CYP24A1: variants seen among roughly 807,000 people sequenced by gnomAD.
The protein encoded by CYP24A1 is 1,25-dihydroxyvitamin D(3) 24-hydroxylase, mitochondrial.
A neutral mutation model predicts 62.4 loss-of-function variants in CYP24A1; 68 were observed. The ratio of observed to expected loss-of-function variants is 1.09; its 90% CI spans 0.90 to 1.33. The LOEUF (loss-of-function observed/expected upper bound fraction) is 1.33. Ranked by LOEUF, CYP24A1 falls within the 40% of genes most tolerant of loss-of-function variation. CYP24A1 has a pLI of 0.00. For missense variants in CYP24A1, 787 were observed against 653.0 expected, an observed-to-expected ratio of 1.21 and a Z score of -2.24; for synonymous variants, 267 against 253.0, an observed-to-expected ratio of 1.06 and a Z score of -0.52.
At position 54,173,587 on chromosome 20, in the gene CYP24A1, G is replaced by T. The variant is rs2092703278; in HGVS notation, c.-8C>A. The T allele has an allele frequency of 3.2e-6, 5 of 1,569,038 alleles. No individual in the cohort carries two copies. The highest frequency in any genetic ancestry group is 1.3e-5 in the African/African-American group (1 of 74,476). On this transcript the variant is annotated 5_prime_UTR_variant, in exon 1 of 12. Transcript: ENST00000216862. The surrounding 1 kb of genome is among the most constrained non-coding windows in gnomAD (Gnocchi z 7.2). ...GCTGATGGGGGAGCTCATGGCAGCG[G>T]GGGACACCGGAGCGCGGGAAGGCAG...
intron 3 of CYP24A1, 59 bp from the exon 4 acceptor site, chr20:54,169,747 T>C: frequency 6.2e-7 from 1 of 1,609,684 alleles, no homozygotes; most frequent in South Asian, 1.1e-5. Context: ...AAACAAAACT[T>C]TAAAGCTCAC....
intron 9 of CYP24A1, among the ~76,000 whole-genome samples, chr20:54,157,821 C>T (rs2092634966): frequency 6.6e-6 from 1 of 152,172 alleles, no homozygotes; most frequent in Admixed American, 6.5e-5. Flanking sequence ...GTTATTAAAC[C>T]CCTTTTACAG....
the CYP24A1 span, among the ~76,000 whole-genome samples, chr20:54,144,109 C>T: frequency 6.6e-6 from 1 of 152,214 alleles, no homozygotes; most frequent in South Asian, 2.1e-4. Flanking sequence ...TGGGTAGTCA[C>T]ATGGCGGCCC....
intron 7 of CYP24A1, among the ~76,000 whole-genome samples, chr20:54,161,285 A>G (rs1322683013): frequency 2.0e-5 from 3 of 152,210 alleles, no homozygotes; most frequent in African/African-American, 7.2e-5. Context: ...TCATTATTCC[A>G]GAGTCAGCTC....
the CYP24A1 span, among the ~76,000 whole-genome samples, chr20:54,144,116 G>A: frequency 6.6e-6 from 1 of 152,186 alleles, no homozygotes; most frequent in Non-Finnish European, 1.5e-5. Context: ...TCACATGGCG[G>A]CCCCATGCTT....
At chr20:54,158,704 C>T (rs932056232) in intron 8 of CYP24A1, among the ~76,000 whole-genome samples, 4 of 152,164 alleles carry the variant, frequency 2.6e-5, no homozygotes, top group African/African-American at 9.7e-5. Flanking sequence ...TTAGTGCTTA[C>T]AGCGTTCATT....
At chr20:54,151,957 A>G (rs6097805), downstream of CYP24A1, among the ~76,000 whole-genome samples, 50,227 of 151,992 alleles carry the variant, frequency 0.33, 9,296 homozygotes, top group East Asian at 0.59. Context: ...TAGCAAGTGC[A>G]CAGAGGAGAG....
At chr20:54,164,651 A>G in intron 5 of CYP24A1, 88 bp from the exon 6 acceptor site, 1 of 1,608,044 alleles carries the variant, frequency 6.2e-7, no homozygotes, top group African/African-American at 1.3e-5. Flanking sequence ...TCTAAACCGC[A>G]GCACCCTGCA....
In CYP24A1 at chr20:54,165,789, T is replaced by A. The variant is rs2146489987; in HGVS notation, c.685A>T (p.Lys229Ter). 2 of 1,543,848 alleles carry A rather than the reference T, an allele frequency of 1.3e-6. No individual in the cohort carries two copies. Among genetic ancestry groups the A allele is most frequent in the Non-Finnish European group, 9.0e-7 (1 of 1,115,660 alleles). Residue 229 changes from lysine to a stop codon, truncating the protein, a stop_gained, in exon 5 of 12, where the codon AAG becomes TAG. Transcript: ENST00000216862. LOFTEE classifies it high-confidence loss of function. ...TTCACAGCTTCATCCCCTGCATTCT[T>A]CTGGAGAAGCCCAAATCTCTTCTCA... ...LYEKRFGLLQ[K>*]NAGDEAVNFI...
chr20:54,172,314 G>T (rs556430960), intron 2 of CYP24A1, among the ~76,000 whole-genome samples: 2 of 152,254 alleles, frequency 1.3e-5, no homozygotes, highest in South Asian at 4.1e-4. Flanking sequence ...CAGTTTGGGG[G>T]TAAATAAAGG....
chr20:54,169,736 A>G, intron 3 of CYP24A1, 48 bp from the exon 4 acceptor site: 1 of 1,612,112 alleles, frequency 6.2e-7, no homozygotes, highest in East Asian at 2.2e-5. Flanking sequence ...CCGTTGAAGG[A>G]AAACAAAACT....
At chr20:54,144,265 C>T in the CYP24A1 span, among the ~76,000 whole-genome samples, 9 of 150,870 alleles carry the variant, frequency 6.0e-5, no homozygotes, top group South Asian at 4.2e-4. Context: ...GGCTAGAGTC[C>T]GGTGACATGA....
intron 3 of CYP24A1, 139 bp downstream of exon 3, chr20:54,171,438 G>C: frequency 6.5e-7 from 1 of 1,537,796 alleles, no homozygotes; most frequent in Non-Finnish European, 8.9e-7. Context: ...GGAAGGAATG[G>C]AGAGAAAGAG....
chr20:54,157,268 G>A lies in CYP24A1; in HGVS notation c.1456C>T (p.Gln486Ter), dbSNP rs768752896. 1.9e-6 allele frequency: 3 copies of A among 1,611,180 alleles called. No homozygotes were observed. The South Asian group carries it at 3.3e-5, about 18-fold the overall frequency. The change falls in exon 11 of 12, where the codon CAG (glutamine) becomes TAG (stop). Residue 486 changes from glutamine to a stop codon, truncating the protein, a stop_gained. Coordinates refer to ENST00000216862, the MANE Select transcript of CYP24A1 (RefSeq NM_000782.5). LOFTEE classifies it high-confidence loss of function. ...TCAACAGGCTCATTGTCTGTGGCCT[G>A]GATGTCGTATTTGCGGACAATCTGT... ...LCWIVRKYDIQATDNEPVEML... is the reference protein window; with the variant it reads ...LCWIVRKYDI
chr20:54,165,998 A>G (rs2092670547), intron 4 of CYP24A1, among the ~76,000 whole-genome samples, 165 bp from the exon 5 acceptor site: 1 of 152,226 alleles, frequency 6.6e-6, no homozygotes, highest in African/African-American at 2.4e-5. Flanking sequence ...GTCTGAGAGA[A>G]AGGGGACACC....
At chr20:54,147,512 A>G in the CYP24A1 span, among the ~76,000 whole-genome samples, 1 of 152,214 alleles carries the variant, frequency 6.6e-6, no homozygotes, top group East Asian at 1.9e-4. Flanking sequence ...TTGTGGGCTC[A>G]GGGGCCACAC....
chr20:54,149,340 C>T (rs779585744), downstream of CYP24A1, among the ~76,000 whole-genome samples: 2 of 152,144 alleles, frequency 1.3e-5, no homozygotes, highest in African/African-American at 2.4e-5. Flanking sequence ...GCTCAGTGCT[C>T]GTAGCTTATT....
Position 54,157,198 on chromosome 20 carries a change from A to T in CYP24A1, c.1526T>A (p.Ile509Asn), listed in dbSNP as rs762094462. 21 of 1,603,850 alleles carry T rather than the reference A, an allele frequency of 1.3e-5. No homozygotes were observed. The highest frequency in any genetic ancestry group is 1.6e-5 in the Non-Finnish European group (19 of 1,170,882). ...GTLVPSRELPIAFCQR is the reference protein window; with the variant it reads ...GTLVPSRELPNAFCQR ...GGCGTATTATCGCTGGCAAAACGCG[A>T]TGGGGAGTTCCCGGCTGGGCACCAG... Residue 509 changes from isoleucine (I) to asparagine (N), a missense_variant, in exon 11 of 12, where the codon ATC becomes AAC. Physicochemically the swap from Ile to Asn is moderately radical, Grantham distance 149. Transcript: ENST00000216862.
At chr20:54,161,552 C>T (rs1210461740) in intron 7 of CYP24A1, among the ~76,000 whole-genome samples, 1 of 151,948 alleles carries the variant, frequency 6.6e-6, no homozygotes, top group East Asian at 1.9e-4. Flanking sequence ...TTCCTGAATT[C>T]CTTCATTTAT....
Sources: gnomAD v4.1 joint callset for allele counts (sites outside exome capture counted in the v4.1 genomes callset) on GRCh38, gnomAD v4.1.1 for gene constraint, Gnocchi (gnomAD v3.1) non-coding constraint, MANE v1.5 for transcripts, NCBI Gene and HGNC (gene_info 2026-07-23, HGNC 2026-07-21) for gene names.